CADM2: variants seen among roughly 807,000 people sequenced by gnomAD.
The protein encoded by CADM2 is cell adhesion molecule 2, also known as immunoglobulin superfamily member 4D.
CADM2 carries 12 observed loss-of-function variants against 49.8 expected under a neutral mutation model. That is an observed-to-expected ratio of 0.24 (90% CI 0.15 to 0.39). The LOEUF (loss-of-function observed/expected upper bound fraction) is 0.39. Ranked by LOEUF, CADM2 falls within the 10% of genes least tolerant of loss-of-function variation. The pLI is 1.00. For missense variants in CADM2, 378 were observed against 492.3 expected, an observed-to-expected ratio of 0.77 and a Z score of 2.20; for synonymous variants, 214 against 175.4, an observed-to-expected ratio of 1.22 and a Z score of -1.74.
intron 1 of CADM2, among the ~76,000 whole-genome samples, chr3:84,988,579 AGCT>A (rs1256319626): frequency 1.3e-5 from 2 of 152,170 alleles, no homozygotes; most frequent in African/African-American, 2.4e-5. Flanking sequence ...ATCATTATAC[AGCT>A]TGTCTTGGGT....
At chr3:85,700,771 T>G (rs2066728942) in intron 1 of CADM2, among the ~76,000 whole-genome samples, 1 of 152,208 alleles carries the variant, frequency 6.6e-6, no homozygotes, top group African/African-American at 2.4e-5. Context: ...AAGACTTTAT[T>G]GTCCATATCA....
chr3:85,515,631 ATTTTTT>A, intron 1 of CADM2, among the ~76,000 whole-genome samples: 1 of 118,408 alleles, frequency 8.4e-6, no homozygotes, highest in African/African-American at 3.4e-5. Context: ...ATATATATAT[ATTTTTT>A]TTTTTTGTAT....
intron 1 of CADM2, among the ~76,000 whole-genome samples, chr3:84,991,515 A>T (rs975566686): frequency 3.9e-5 from 6 of 152,198 alleles, no homozygotes; most frequent in Admixed American, 2.6e-4. Context: ...AAAAACTAAT[A>T]GTCTTCTACA....
intron 6 of CADM2, among the ~76,000 whole-genome samples, chr3:85,935,074 C>T (rs1296951615): frequency 6.6e-6 from 1 of 152,040 alleles, no homozygotes; most frequent in Non-Finnish European, 1.5e-5. Context: ...TCAAGTTATA[C>T]ATATAAATGT....
chr3:85,539,140 T>A (rs1576753141), intron 1 of CADM2, among the ~76,000 whole-genome samples: 2 of 148,308 alleles, frequency 1.3e-5, no homozygotes. Flanking sequence ...AGATTTACAT[T>A]AAAAAAAAAC....
At chr3:85,713,487 T>A (rs926017338) in intron 1 of CADM2, among the ~76,000 whole-genome samples, 1 of 152,048 alleles carries the variant, frequency 6.6e-6, no homozygotes. Context: ...ACTGGCTTTA[T>A]CAATAATATA....
chr3:86,056,012 A>C (rs1354528459), intron 8 of CADM2, among the ~76,000 whole-genome samples: 3 of 152,198 alleles, frequency 2.0e-5, no homozygotes, highest in Non-Finnish European at 4.4e-5. Context: ...TTTTCTCAGC[A>C]GCAAATGGCC....
chr3:85,557,083 T>TCC, intron 1 of CADM2, among the ~76,000 whole-genome samples: 1 of 152,076 alleles, frequency 6.6e-6, no homozygotes, highest in Non-Finnish European at 1.5e-5. Flanking sequence ...CAAGTATATT[T>TCC]CTTACCCTTT....
chr3:85,409,637 G>A (rs888906051), intron 1 of CADM2, among the ~76,000 whole-genome samples: 6 of 152,176 alleles, frequency 3.9e-5, no homozygotes, highest in Non-Finnish European at 4.4e-5. Context: ...CGTACTGGAG[G>A]AGGATAATAG....
intron 1 of CADM2, among the ~76,000 whole-genome samples, chr3:85,390,631 T>C (rs2034473426): frequency 6.6e-6 from 1 of 152,078 alleles, no homozygotes; most frequent in South Asian, 2.1e-4. Context: ...TGTTTTGGGA[T>C]CTGACTCTTG....
intron 1 of CADM2, among the ~76,000 whole-genome samples, chr3:85,355,465 G>C (rs1394861739): frequency 6.6e-6 from 1 of 152,032 alleles, no homozygotes; most frequent in Non-Finnish European, 1.5e-5. Flanking sequence ...AGATTTGTTT[G>C]CTGTGAAATA....
chr3:85,943,825 A>G (rs1427917851), intron 7 of CADM2, among the ~76,000 whole-genome samples: 3 of 152,016 alleles, frequency 2.0e-5, no homozygotes, highest in Non-Finnish European at 2.9e-5. Context: ...ACCATGCCAA[A>G]TTGTAAAGAC....
chr3:85,976,889 A>G (rs373388663), intron 8 of CADM2, among the ~76,000 whole-genome samples: 2 of 151,570 alleles, frequency 1.3e-5, no homozygotes, highest in African/African-American at 2.4e-5. Flanking sequence ...AAGTGGATTA[A>G]CAATTATTAA....
intron 1 of CADM2, among the ~76,000 whole-genome samples, chr3:85,544,501 C>T (rs2061618670): frequency 6.6e-6 from 1 of 152,030 alleles, no homozygotes; most frequent in South Asian, 2.1e-4. Context: ...GGCGTGAACC[C>T]GGGAGGCGGA....
At chr3:85,756,251 C>T (rs532563357) in intron 2 of CADM2, among the ~76,000 whole-genome samples, 25 of 152,062 alleles carry the variant, frequency 1.6e-4, no homozygotes, top group East Asian at 1.9e-4. Context: ...CATGACTGAA[C>T]GCAAGGGCTC....
intron 7 of CADM2, among the ~76,000 whole-genome samples, chr3:85,945,570 C>CT (rs749142015): frequency 3.3e-5 from 5 of 152,104 alleles, no homozygotes; most frequent in Non-Finnish European, 7.4e-5. Flanking sequence ...CAACAAAAAG[C>CT]TTATCTACCA....
At chr3:85,899,630 G>A (rs141045796) in intron 5 of CADM2, among the ~76,000 whole-genome samples, 2 of 152,168 alleles carry the variant, frequency 1.3e-5, no homozygotes, top group East Asian at 3.9e-4. Context: ...GTTATTTAGA[G>A]GTTAGTCCTT....
chr3:85,631,290 T>C (rs1288894613), intron 1 of CADM2, among the ~76,000 whole-genome samples: 1 of 152,088 alleles, frequency 6.6e-6, no homozygotes, highest in Non-Finnish European at 1.5e-5. Context: ...GTGCTGAAGA[T>C]ACTGTGGGGT....
chr3:85,096,467 T>G (rs1309326082), intron 1 of CADM2, among the ~76,000 whole-genome samples: 18 of 152,128 alleles, frequency 1.2e-4, no homozygotes, highest in Admixed American at 1.2e-3. Flanking sequence ...AGAAAATAGA[T>G]CTTATTAAAT....
Sources: allele counts gnomAD v4.1 joint callset (sites outside exome capture counted in the v4.1 genomes callset), GRCh38; gene constraint gnomAD v4.1.1; transcripts MANE v1.5; gene names NCBI Gene and HGNC (gene_info 2026-07-23, HGNC 2026-07-21).